The following NMNAT2 variants were observed in gnomAD, a reference collection of about 807,000 sequenced individuals.
NMNAT2 encodes nicotinamide nucleotide adenylyltransferase 2, also known as nicotinamide/nicotinic acid mononucleotide adenylyltransferase 2.
Under a neutral mutation model 41.6 loss-of-function variants are expected in NMNAT2, and 11 were observed. That is an observed-to-expected ratio of 0.26 (90% confidence interval 0.17 to 0.44). The LOEUF is 0.44. Among genes scored for constraint, NMNAT2 ranks in the 20% least tolerant of loss-of-function variants. The probability of loss-of-function intolerance (pLI) is 1.00; values close to 1 mark genes in which losing one functional copy is unlikely to be tolerated. For synonymous variants in NMNAT2, 148 were observed against 151.2 expected, an observed-to-expected ratio of 0.98 and a Z score of 0.16; for missense variants, 288 against 407.7, an observed-to-expected ratio of 0.71 and a Z score of 2.53.
At chr1:183,304,122 T>C (rs1277710057) in intron 1 of NMNAT2, among the ~76,000 whole-genome samples, 1 of 152,056 alleles carries the variant, frequency 6.6e-6, no homozygotes, top group Non-Finnish European at 1.5e-5. Context: ...CCAATACTTA[T>C]GTGACTTGTG....
At chr1:183,317,778 A>T (rs1016335657) in intron 1 of NMNAT2, among the ~76,000 whole-genome samples, 1 of 152,194 alleles carries the variant, frequency 6.6e-6, no homozygotes, top group Admixed American at 6.5e-5. Flanking sequence ...ACCCAAGTCT[A>T]TTAACCCCAG....
At chr1:183,411,184 T>G (rs1252927514) in intron 1 of NMNAT2, among the ~76,000 whole-genome samples, 1 of 152,212 alleles carries the variant, frequency 6.6e-6, no homozygotes, top group Admixed American at 6.5e-5. Flanking sequence ...TCACCTCAAT[T>G]GCTTTGTTTA....
chr1:183,270,606 C>A (rs967691650), intron 8 of NMNAT2, among the ~76,000 whole-genome samples: 1 of 152,108 alleles, frequency 6.6e-6, no homozygotes, highest in African/African-American at 2.4e-5. Flanking sequence ...CCACTGCCAA[C>A]TTAACTGGGG....
intron 1 of NMNAT2, among the ~76,000 whole-genome samples, chr1:183,360,752 T>C (rs1663290366): frequency 6.6e-6 from 1 of 152,212 alleles, no homozygotes; most frequent in Non-Finnish European, 1.5e-5. Context: ...AGGTTGCATA[T>C]AGTAGGCTGA....
intron 10 of NMNAT2, among the ~76,000 whole-genome samples, chr1:183,259,850 C>T (rs781594853): frequency 6.6e-6 from 1 of 152,244 alleles, no homozygotes; most frequent in African/African-American, 2.4e-5. Flanking sequence ...CCACCTGCCT[C>T]GGACTCCCAA....
chr1:183,353,370 G>C (rs1401704051), intron 1 of NMNAT2, among the ~76,000 whole-genome samples: 3 of 152,280 alleles, frequency 2.0e-5, no homozygotes, highest in South Asian at 4.2e-4. Context: ...TTCCGAAACA[G>C]TCAGTAGGAT....
At chr1:183,365,035 T>C (rs1443653189) in intron 1 of NMNAT2, among the ~76,000 whole-genome samples, 1 of 152,182 alleles carries the variant, frequency 6.6e-6, no homozygotes, top group Non-Finnish European at 1.5e-5. Flanking sequence ...GGCCTCCATT[T>C]GCTCATATTT....
At chr1:183,370,257 C>T (rs968619208) in intron 1 of NMNAT2, among the ~76,000 whole-genome samples, 1 of 149,318 alleles carries the variant, frequency 6.7e-6, no homozygotes, top group East Asian at 1.9e-4. Context: ...CACACACACA[C>T]ACACACACAC....
intron 1 of NMNAT2, among the ~76,000 whole-genome samples, chr1:183,399,755 A>G (rs551115505): frequency 2.5e-4 from 38 of 152,386 alleles, no homozygotes; most frequent in African/African-American, 8.9e-4. Context: ...AGGCTGGCTC[A>G]ACATACGCAA....
Position 183,261,194 on chromosome 1 carries a change from G to A in NMNAT2, c.753+8C>T. On this transcript the variant is annotated splice_region_variant and intron_variant, in intron 9 of 10. Transcript: ENST00000287713. ...AACACAGATGCACTAGCAGGATGGA[G>A]GACTCACTTTGTATTTGCGGAGTAT... 1 of 1,613,156 alleles carries A rather than the reference G, an allele frequency of 6.2e-7. No homozygotes were observed. Among genetic ancestry groups the A allele is most frequent in the Non-Finnish European group, 8.5e-7 (1 of 1,179,126 alleles).
chr1:183,294,938 T>C (rs1315043010), intron 1 of NMNAT2, among the ~76,000 whole-genome samples: 2 of 152,228 alleles, frequency 1.3e-5, no homozygotes, highest in Admixed American at 6.5e-5. Context: ...CAAGCAAGTT[T>C]TCAGAATTAC....
rs1322178575 is a variant in NMNAT2 at position 183,284,010 on chromosome 1, G to A, written c.559C>T (p.Arg187Trp). The change falls in exon 7 of 11, where the codon CGG (arginine) becomes TGG (tryptophan). Residue 187 changes from arginine (R) to tryptophan (W), a missense_variant. Transcript: ENST00000287713. The part of the protein sequence containing the change: ...DENANLGTVM[R>W]YEEIELRILL... ...TCCCACTCACCAATCTCTTCATACCGCATCACCGTGCCCAGATTGGCATTC... is the reference window on the plus strand; with the variant it reads ...TCCCACTCACCAATCTCTTCATACCACATCACCGTGCCCAGATTGGCATTC... The A allele has an allele frequency of 6.2e-7, 1 of 1,613,684 alleles. No homozygotes were observed. Among genetic ancestry groups the A allele is most frequent in the Non-Finnish European group, 8.5e-7 (1 of 1,179,900 alleles).
chr1:183,293,378 C>T (rs774063897), intron 2 of NMNAT2, among the ~76,000 whole-genome samples: 47 of 152,248 alleles, frequency 3.1e-4, no homozygotes, highest in Non-Finnish European at 5.1e-4. Flanking sequence ...GCAGCTCAAC[C>T]CATAACCAGC....
At chr1:183,314,096 C>A (rs1055876611) in intron 1 of NMNAT2, among the ~76,000 whole-genome samples, 7 of 152,192 alleles carry the variant, frequency 4.6e-5, no homozygotes, top group African/African-American at 1.7e-4. Context: ...GAACCTTGTG[C>A]CCATTTCTAG....
At chr1:183,340,433 C>T (rs1162542208) in intron 1 of NMNAT2, among the ~76,000 whole-genome samples, 1 of 151,546 alleles carries the variant, frequency 6.6e-6, no homozygotes, top group Non-Finnish European at 1.5e-5. Context: ...AGCAATTCTC[C>T]TGCCTCAGCC....
At chr1:183,369,266 T>A (rs146047495) in intron 1 of NMNAT2, among the ~76,000 whole-genome samples, 3 of 31,900 alleles carry the variant, frequency 9.4e-5, no homozygotes, top group Non-Finnish European at 1.7e-4. Flanking sequence ...TTCTTTTCTT[T>A]TTTTTTTTTT....
chr1:183,397,753 A>T (rs1291814569), intron 1 of NMNAT2, among the ~76,000 whole-genome samples: 1 of 152,216 alleles, frequency 6.6e-6, no homozygotes, highest in Non-Finnish European at 1.5e-5. Context: ...GGGGGCCAAT[A>T]TTCAACATTT....
intron 1 of NMNAT2, among the ~76,000 whole-genome samples, chr1:183,341,724 C>CAAAAAAAAAAAAAAAAAAAAAAAAAA: frequency 6.3e-5 from 1 of 15,816 alleles, no homozygotes; most frequent in Non-Finnish European, 1.4e-4. Flanking sequence ...CAAACAAACA[C>CAAAAAAAAAAAAAAAAAAAAAAAAAA]CAAAAAAAAA....
chr1:183,296,104 C>G (rs1169337977), intron 1 of NMNAT2, among the ~76,000 whole-genome samples: 1 of 152,178 alleles, frequency 6.6e-6, no homozygotes, highest in Non-Finnish European at 1.5e-5. Context: ...CCTGCCACGG[C>G]CTCCCAAAGT....
Sources: gnomAD v4.1 joint callset for allele counts (sites outside exome capture counted in the v4.1 genomes callset) on GRCh38, gnomAD v4.1.1 for gene constraint, MANE v1.5 for transcripts, NCBI Gene and HGNC (gene_info 2026-07-23, HGNC 2026-07-21) for gene names.